Variants in EDNRB observed in about 807,000 individuals in gnomAD.
EDNRB encodes the protein Hirschsprung disease 2.
Under a neutral mutation model 46.4 loss-of-function variants are expected in EDNRB, and 18 were observed. The observed-to-expected ratio is 0.39, with a 90% CI of 0.27 to 0.57. The LOEUF is 0.57. EDNRB is among the 20% of genes least tolerant of loss of function. EDNRB has a pLI of 0.61. For synonymous variants in EDNRB, 213 were observed against 204.9 expected, an observed-to-expected ratio of 1.04 and a Z score of -0.34; for missense variants, 434 against 537.5, an observed-to-expected ratio of 0.81 and a Z score of 1.90.
At chr13:77,950,885 G>A (rs1016787396) in intron 1 of EDNRB, among the ~76,000 whole-genome samples, 1 of 152,158 alleles carries the variant, frequency 6.6e-6, no homozygotes, top group Non-Finnish European at 1.5e-5. Context: ...TGGAATTGAT[G>A]CCACGGTTCC....
chr13:77,968,298 A>C (rs752439130), intron 1 of EDNRB, among the ~76,000 whole-genome samples: 1 of 152,142 alleles, frequency 6.6e-6, no homozygotes, highest in Non-Finnish European at 1.5e-5. Context: ...CTGGAATTAG[A>C]ATCCTTTTAT....
chr13:77,961,829 A>T (rs977600922), intron 1 of EDNRB, among the ~76,000 whole-genome samples: 1 of 152,202 alleles, frequency 6.6e-6, no homozygotes, highest in African/African-American at 2.4e-5. Context: ...CAAAAAATCA[A>T]TGAATCCAGG....
upstream of EDNRB, chr13:77,919,809 A>G: frequency 1.7e-6 from 1 of 572,312 alleles, no homozygotes; most frequent in East Asian, 2.9e-5. Context: ...ACCCAAATCA[A>G]GGGCAAGTTA....
intron 1 of EDNRB, among the ~76,000 whole-genome samples, chr13:77,960,361 G>A (rs868174328): frequency 3.9e-5 from 6 of 152,200 alleles, no homozygotes; most frequent in African/African-American, 1.4e-4. Flanking sequence ...CTATAAGCCA[G>A]AAGAGAGTGG....
intron 6 of EDNRB, 47 bp from the exon 7 acceptor site, chr13:77,898,381 T>C (rs1878748777): frequency 3.1e-6 from 5 of 1,607,984 alleles, no homozygotes; most frequent in Non-Finnish European, 4.2e-6. Flanking sequence ...CAGTCACCTT[T>C]CCCAACTCTT....
At chr13:77,938,415 CAGAA>C (rs1275052116) in intron 1 of EDNRB, among the ~76,000 whole-genome samples, 1 of 145,204 alleles carries the variant, frequency 6.9e-6, no homozygotes, top group African/African-American at 2.6e-5. Context: ...GGTAGAGACA[CAGAA>C]AGAAGGGGTT....
chr13:77,910,025 T>C (rs530453213), intron 1 of EDNRB, among the ~76,000 whole-genome samples: 1 of 152,050 alleles, frequency 6.6e-6, no homozygotes, highest in African/African-American at 2.4e-5. Context: ...TACTCAAACT[T>C]GTCAAGGCAA....
intron 1 of EDNRB, among the ~76,000 whole-genome samples, chr13:77,971,979 A>G (rs1881749981): frequency 6.6e-6 from 1 of 152,214 alleles, no homozygotes; most frequent in Non-Finnish European, 1.5e-5. Flanking sequence ...TGACTGATTG[A>G]TAAGCTCTTG....
intron 1 of EDNRB, among the ~76,000 whole-genome samples, chr13:77,911,549 G>A (rs3027128): frequency 0.03 from 4,584 of 152,110 alleles, 222 homozygotes; most frequent in African/African-American, 0.1. Context: ...GCAGGCATGA[G>A]TGCAGTTTTG....
intron 1 of EDNRB, among the ~76,000 whole-genome samples, chr13:77,970,088 C>T (rs1881686638): frequency 1.3e-5 from 2 of 152,146 alleles, no homozygotes; most frequent in Admixed American, 6.6e-5. Context: ...GCATTTTCTA[C>T]TTGATGAAGA....
chr13:77,901,991 T>G (rs1191721142), intron 3 of EDNRB, among the ~76,000 whole-genome samples: 1 of 151,946 alleles, frequency 6.6e-6, no homozygotes, highest in South Asian at 2.1e-4. Flanking sequence ...TGCATTAATG[T>G]CTCTTAACTC....
rs1359074336 is a variant in EDNRB at position 77,898,259 on chromosome 13, T to C, written c.1270A>G (p.Lys424Glu). Residue 424 changes from lysine to glutamate, a missense_variant, in exon 7 of 7, where the codon AAA (lysine) becomes GAA (glutamate). Transcript: ENST00000646607. The stretch of plus-strand genomic sequence containing the variant: ...TTGTCATATCCGTGATCATTAGCTT[T>C]GAACTTTAAGCACGACTGCTTTTCC... ...LEEKQSCLKF[K>E]ANDHGYDNFR... is the part of the protein sequence containing the mutation. The C allele has an allele frequency of 5.6e-6, 9 of 1,612,138 alleles. No individual in the cohort carries two copies. The highest frequency in any genetic ancestry group is 7.6e-6 in the Non-Finnish European group (9 of 1,178,914).
chr13:77,964,420 C>T lies in EDNRB; in HGVS notation c.-52+10927G>A, dbSNP rs887044574. Among the ~76,000 whole-genome samples the T allele has an allele frequency of 1.4e-4, 22 of 152,152 alleles. 1 individual carries two copies. The highest frequency in any genetic ancestry group is 5.3e-4 in the African/African-American group (22 of 41,434). ...TAGACTGGATTGAGAAAATGTGGCA[C>T]ATATACACCATGGAATATTATGCAG... On this transcript the variant is annotated intron_variant, in intron 1 of 7. Coordinates refer to the EDNRB transcript ENST00000646948.
At chr13:77,900,369 C>T in intron 5 of EDNRB, 152 bp downstream of exon 5, 1 of 1,076,412 alleles carries the variant, frequency 9.3e-7, no homozygotes, top group Non-Finnish European at 1.4e-6. Flanking sequence ...CCCTGTCCCT[C>T]TCAACAGGAC....
Position 77,897,887 on chromosome 13 carries a change from G to A in EDNRB, c.*313C>T, listed in dbSNP as rs2137598644. The A allele has an allele frequency of 5.7e-6, 6 of 1,052,700 alleles. No individual in the cohort carries two copies. Among genetic ancestry groups the A allele is most frequent in the Middle Eastern group, 4.6e-4 (1 of 2,182 alleles). The allele number at this position is 1,052,700 out of a possible 1,614,324, so 65.2% of individuals were successfully genotyped here. ...TTTAGAAAGAATAGAAATTCTGAGT[G>A]AGCTCATTTTTAAGCCTAAGTGTTG... On this transcript the variant is annotated 3_prime_UTR_variant, in exon 7 of 7. Coordinates refer to ENST00000646607, the MANE Select transcript of EDNRB (RefSeq NM_001122659.3).
At chr13:77,908,426 C>CAAA (rs11359758) in intron 1 of EDNRB, among the ~76,000 whole-genome samples, 3 of 124,190 alleles carry the variant, frequency 2.4e-5, no homozygotes, top group Non-Finnish European at 3.5e-5. Flanking sequence ...GAAGTTTTGC[C>CAAA]AAAAAAAAAA....
At chr13:77,943,888 G>C (rs927855825) in intron 1 of EDNRB, among the ~76,000 whole-genome samples, 1 of 151,894 alleles carries the variant, frequency 6.6e-6, no homozygotes, top group East Asian at 1.9e-4. Flanking sequence ...CCAGCACTTT[G>C]CTAACTTTCT....
upstream of EDNRB, chr13:77,919,714 T>C (rs1880014530): frequency 6.6e-6 from 8 of 1,218,592 alleles, no homozygotes; most frequent in African/African-American, 1.5e-5. Context: ...TCAGTAGTAG[T>C]TGCCCGAGGG....
chr13:77,906,803 A>T (rs567359993), intron 1 of EDNRB, among the ~76,000 whole-genome samples: 1 of 152,170 alleles, frequency 6.6e-6, no homozygotes, highest in African/African-American at 2.4e-5. Flanking sequence ...AATGTGATTT[A>T]AAAAATATTT....
Sources: allele counts gnomAD v4.1 joint callset (sites outside exome capture counted in the v4.1 genomes callset), GRCh38; gene constraint gnomAD v4.1.1; transcripts MANE v1.5; gene names NCBI Gene and HGNC (gene_info 2026-07-23, HGNC 2026-07-21).